The following COA1 variants were observed in gnomAD, a reference collection of about 807,000 sequenced individuals.
COA1 encodes the protein cytochrome c oxidase assembly factor 1.
COA1 carries 13 observed loss-of-function variants against 16.0 expected under a neutral mutation model. That is an observed-to-expected ratio of 0.81 (90% CI 0.53 to 1.29). The LOEUF (loss-of-function observed/expected upper bound fraction) is 1.29. Ranked by LOEUF, COA1 falls within the 50% of genes most tolerant of loss-of-function variation. COA1 has a pLI of 0.00. For missense variants in COA1, 179 were observed against 177.0 expected, an observed-to-expected ratio of 1.01 and a Z score of -0.06; for synonymous variants, 65 against 65.7, an observed-to-expected ratio of 0.99 and a Z score of 0.05.
At chr7:43,701,116 C>T (rs900516259) in intron 1 of COA1, among the ~76,000 whole-genome samples, 2 of 151,986 alleles carry the variant, frequency 1.3e-5, no homozygotes, top group Non-Finnish European at 2.9e-5. Context: ...TCTTTTTGAA[C>T]TTTTTAGGTC....
rs866063576 is a variant in COA1 at position 43,688,670 on chromosome 7, T to C, written c.-38-40018A>G. On this transcript the variant is annotated intron_variant, in intron 1 of 5. Transcript: ENST00000223336. ...TAGTCCAGATATAGTCAGTCCAGTG[T>C]ATAGTTTCATAACGTCAGGGGCTCT... Among the ~76,000 whole-genome samples, 9 of 152,312 alleles carry C rather than the reference T, an allele frequency of 5.9e-5. No individual in the cohort carries two copies. In the South Asian group the frequency reaches 1.9e-3, roughly 32 times the overall value.
exon 7 of COA1, chr7:43,608,567 G>A: frequency 1.5e-6 from 1 of 681,758 alleles, no homozygotes; most frequent in Non-Finnish European, 2.3e-6. Context: ...TTTTATCAGG[G>A]AGATAATGCA....
chr7:43,624,475 G>T, intron 6 of COA1: 1 of 1,535,300 alleles, frequency 6.5e-7, no homozygotes, highest in South Asian at 1.2e-5. Flanking sequence ...AATTTTAATT[G>T]AAGTTCTAAC....
intron 1 of COA1, among the ~76,000 whole-genome samples, chr7:43,661,818 T>G (rs2092462941): frequency 6.6e-6 from 1 of 152,200 alleles, no homozygotes; most frequent in Non-Finnish European, 1.5e-5. Context: ...AATATGTTAC[T>G]TGTCCTGAAA....
chr7:43,673,457 C>G (rs1325037969), intron 1 of COA1, among the ~76,000 whole-genome samples: 1 of 152,152 alleles, frequency 6.6e-6, no homozygotes, highest in Non-Finnish European at 1.5e-5. Flanking sequence ...CATCTCACAG[C>G]AGTGAAAATG....
chr7:43,720,895 T>G (rs1455714740), intron 1 of COA1, among the ~76,000 whole-genome samples: 3 of 152,266 alleles, frequency 2.0e-5, no homozygotes, highest in Non-Finnish European at 2.9e-5. Context: ...CATTTCTCAC[T>G]GAACATCTCC....
In COA1 at chr7:43,645,321, C is replaced by G; in HGVS notation, c.194G>C (p.Gly65Ala). ...QSHPEAQEALGPPLNIHYLKL... is the reference protein window; with the variant it reads ...QSHPEAQEALAPPLNIHYLKL... Reference sequence around the variant, plus strand: ...GAGATAATGGATGTTGAGAGGAGGGCCCAGAGCTTCCTGTGCCTCGGGATG... The same window carrying G: ...GAGATAATGGATGTTGAGAGGAGGGGCCAGAGCTTCCTGTGCCTCGGGATG... The change falls in exon 4 of 6, where the codon GGC (glycine) becomes GCC (alanine). Residue 65 changes from glycine (G) to alanine (A), a missense_variant. Gly to Ala is a moderately conservative substitution (Grantham distance 60). Transcript: ENST00000223336. The G allele has an allele frequency of 6.2e-7, 1 of 1,614,016 alleles. No individual in the cohort carries two copies. Among genetic ancestry groups the G allele is most frequent in the Non-Finnish European group, 8.5e-7 (1 of 1,179,914 alleles).
intron 1 of COA1, among the ~76,000 whole-genome samples, chr7:43,702,620 A>AT (rs1451718135): frequency 2.6e-5 from 4 of 151,948 alleles, no homozygotes; most frequent in African/African-American, 9.7e-5. Flanking sequence ...AAATTTATCC[A>AT]TTTATTCTAG....
chr7:43,616,003 C>T (rs1388562271), intron 6 of COA1, among the ~76,000 whole-genome samples: 2 of 152,154 alleles, frequency 1.3e-5, no homozygotes, highest in Non-Finnish European at 2.9e-5. Flanking sequence ...CTTAAAGCGA[C>T]CTGAGGTGTA....
chr7:43,669,891 T>A (rs775895447), intron 1 of COA1, among the ~76,000 whole-genome samples: 7 of 151,822 alleles, frequency 4.6e-5, no homozygotes, highest in Non-Finnish European at 8.8e-5. Flanking sequence ...ATGAGAGAGG[T>A]GCTCAGTGAC....
rs150728095 is a variant in COA1, at chr7:43,619,779, G to A, written c.*134-10284C>T. On this transcript the variant is annotated intron_variant and NMD_transcript_variant, in intron 6 of 6. Transcript: ENST00000415076. ...GGGTCAGGCATCACCTTCATTAGGG[G>A]ACTTGTCCATGTGGCATGACTCATA... The A allele has an allele frequency of 4.6e-4, 733 of 1,589,722 alleles. 1 individual carries two copies. Among genetic ancestry groups the A allele is most frequent in the Middle Eastern group, 3.0e-3 (18 of 5,902 alleles).
intron 1 of COA1, among the ~76,000 whole-genome samples, chr7:43,673,333 GACA>G (rs2093362551): frequency 6.6e-6 from 1 of 152,038 alleles, no homozygotes; most frequent in Non-Finnish European, 1.5e-5. Context: ...GTGGGCAAAG[GACA>G]TGAACAGACA....
At chr7:43,727,704 G>T (rs1007789684) in intron 1 of COA1, among the ~76,000 whole-genome samples, 10 of 152,236 alleles carry the variant, frequency 6.6e-5, no homozygotes, top group Non-Finnish European at 2.9e-5. Context: ...AGAATGGGGA[G>T]TGGGGATGGG....
chr7:43,654,562 T>G (rs866783998), intron 1 of COA1, among the ~76,000 whole-genome samples: 12 of 150,576 alleles, frequency 8.0e-5, no homozygotes, highest in Admixed American at 6.6e-4. Context: ...CATAATGAAG[T>G]CATATTCAGG....
intron 1 of COA1, among the ~76,000 whole-genome samples, chr7:43,723,204 C>T (rs1467851153): frequency 6.6e-6 from 1 of 152,176 alleles, no homozygotes; most frequent in Non-Finnish European, 1.5e-5. Flanking sequence ...CAGCTACATG[C>T]AATCTTAGTT....
At chr7:43,704,933 G>A (rs2094913404) in intron 1 of COA1, among the ~76,000 whole-genome samples, 1 of 152,148 alleles carries the variant, frequency 6.6e-6, no homozygotes, top group South Asian at 2.1e-4. Context: ...TGTGTGGGCT[G>A]ATATCCTGTA....
intron 1 of COA1, among the ~76,000 whole-genome samples, chr7:43,728,531 G>A (rs1364577590): frequency 6.6e-6 from 1 of 152,174 alleles, no homozygotes; most frequent in Non-Finnish European, 1.5e-5. Flanking sequence ...AGCATAATAT[G>A]AGTGTACCTG....
At chr7:43,643,191 T>C (rs1238018027) in intron 4 of COA1, among the ~76,000 whole-genome samples, 1 of 152,186 alleles carries the variant, frequency 6.6e-6, no homozygotes, top group Non-Finnish European at 1.5e-5. Flanking sequence ...AAGTGAAAGC[T>C]GGACAGGACA....
intron 6 of COA1, among the ~76,000 whole-genome samples, chr7:43,621,223 T>C (rs952979577): frequency 1.3e-5 from 2 of 152,214 alleles, no homozygotes; most frequent in Non-Finnish European, 2.9e-5. Flanking sequence ...TTTAAAATTT[T>C]TTATATATTT....
Sources: gnomAD v4.1 joint callset for allele counts (sites outside exome capture counted in the v4.1 genomes callset) on GRCh38, gnomAD v4.1.1 for gene constraint, MANE v1.5 for transcripts, NCBI Gene and HGNC (gene_info 2026-07-23, HGNC 2026-07-21) for gene names.